CNMD: variants seen among roughly 807,000 people sequenced by gnomAD.
CNMD encodes chondromodulin, also known as leukocyte cell-derived chemotaxin 1.
CNMD carries 30 observed loss-of-function variants against 37.5 expected under a neutral mutation model. That is an observed-to-expected ratio of 0.80 (90% CI 0.60 to 1.09). The LOEUF is 1.09. Among genes scored for constraint, CNMD ranks in the 50% least tolerant of loss-of-function variants. CNMD has a pLI of 0.00. For synonymous variants in CNMD, 167 were observed against 148.2 expected, an observed-to-expected ratio of 1.13 and a Z score of -0.92; for missense variants, 398 against 423.9, an observed-to-expected ratio of 0.94 and a Z score of 0.54.
chr13:52,726,282 C>T (rs999872335), intron 3 of CNMD, among the ~76,000 whole-genome samples: 5 of 152,156 alleles, frequency 3.3e-5, no homozygotes, highest in Non-Finnish European at 7.3e-5. Flanking sequence ...GGGTTGATGC[C>T]AGGGTTGAAG....
chr13:52,729,877 G>A (rs1268392737), intron 3 of CNMD, among the ~76,000 whole-genome samples: 3 of 151,756 alleles, frequency 2.0e-5, no homozygotes, highest in Non-Finnish European at 2.9e-5. Context: ...TGTGCACAAT[G>A]TGCAGGTTTG....
Position 52,739,048 on chromosome 13 carries a change from T to A in CNMD, c.196A>T (p.Lys66Ter), listed in dbSNP as rs754544651. 281 of 1,579,376 alleles carry A rather than the reference T, an allele frequency of 1.8e-4. No individual in the cohort carries two copies. The highest frequency in any genetic ancestry group is 2.3e-4 in the Non-Finnish European group (263 of 1,166,206). ...GGACTTACGTGACTGTCGCTCCCCT[T>A]CCAGAAGTAGAAGGCCCCGATGGCC... ...FGAIGAFYFW[K>*]GSDSHIYNVH... The change falls in exon 2 of 7, where the codon AAG (lysine) becomes TAG (stop). Residue 66 changes from lysine (K) to a stop codon, truncating the protein, a stop_gained. Coordinates refer to ENST00000377962, the MANE Select transcript of CNMD (RefSeq NM_007015.3). LOFTEE classifies it high-confidence loss of function. The surrounding 1 kb of genome is among the most constrained non-coding windows in gnomAD (Gnocchi z 5.4).
intron 3 of CNMD, among the ~76,000 whole-genome samples, chr13:52,731,443 A>G (rs956911372): frequency 6.6e-5 from 10 of 152,190 alleles, no homozygotes; most frequent in African/African-American, 2.4e-4. Flanking sequence ...TGTGTTTTCA[A>G]AAGTTCAGGC....
rs1192550534 is a variant in CNMD, at chr13:52,706,724, AGTGTGTGTGTGTGTAT to A, written c.789+1796_789+1811del. 2.4e-4 allele frequency among the ~76,000 whole-genome samples: 4 copies of A among 16,922 alleles called. No individual in the cohort carries two copies. The East Asian group carries it at 0.037, about 157-fold the overall frequency. 11.1% of individuals were successfully genotyped at this position (16,922 alleles called of 152,430 possible). ...CAAGGTATAAAAGTTTTGTGTTAAA[AGTGTGTGTGTGTGTAT>A]GTGTGTGTGTCTGTGGGTGTGTACT... On this transcript the variant is annotated intron_variant, in intron 6 of 6. Coordinates refer to ENST00000377962, the MANE Select transcript of CNMD (RefSeq NM_007015.3).
chr13:52,710,432 G>C (rs192137915), intron 5 of CNMD, among the ~76,000 whole-genome samples: 7 of 152,316 alleles, frequency 4.6e-5, no homozygotes, highest in Admixed American at 1.3e-4. Context: ...CTGACACACA[G>C]AGCTCAGCAG....
intron 3 of CNMD, among the ~76,000 whole-genome samples, chr13:52,725,535 G>T (rs1362991391): frequency 4.6e-5 from 7 of 152,138 alleles, no homozygotes; most frequent in African/African-American, 1.7e-4. Flanking sequence ...TTGGCTGAAA[G>T]CACAGCCCCG....
chr13:52,735,860 T>C (rs928888344), intron 2 of CNMD, among the ~76,000 whole-genome samples: 20 of 148,620 alleles, frequency 1.3e-4, no homozygotes, highest in African/African-American at 4.7e-4. Context: ...GATGGAGTCT[T>C]GCTCTGTCAC....
Position 52,733,331 on chromosome 13 carries a change from A to G in CNMD, c.242T>C (p.Ile81Thr). 2 of 1,613,654 alleles carry G rather than the reference A, an allele frequency of 1.2e-6. No homozygotes were observed. The highest frequency in any genetic ancestry group is 2.2e-5 in the East Asian group (1 of 44,870). ...TGACCCATCTTGTAATTTCCCATTGATACTCATGGTGTAATGGACATTGTA... is the reference window on the plus strand; with the variant it reads ...TGACCCATCTTGTAATTTCCCATTGGTACTCATGGTGTAATGGACATTGTA... ...HIYNVHYTMS[I>T]NGKLQDGSME... Residue 81 changes from isoleucine (I) to threonine (T), a missense_variant, in exon 3 of 7, where the codon ATC becomes ACC. Coordinates refer to ENST00000377962, the MANE Select transcript of CNMD (RefSeq NM_007015.3).
At chr13:52,716,619 G>T (rs1056975598) in intron 4 of CNMD, among the ~76,000 whole-genome samples, 1 of 152,146 alleles carries the variant, frequency 6.6e-6, no homozygotes, top group Non-Finnish European at 1.5e-5. Flanking sequence ...TTTCCCCATC[G>T]CTTGTTTTTG....
intron 4 of CNMD, among the ~76,000 whole-genome samples, chr13:52,719,473 C>G (rs1296179785): frequency 1.3e-5 from 2 of 152,182 alleles, no homozygotes; most frequent in Non-Finnish European, 2.9e-5. Context: ...ACCGGTTTTT[C>G]TTTTCCATAT....
At chr13:52,719,307 C>A (rs555109110) in intron 4 of CNMD, among the ~76,000 whole-genome samples, 2 of 151,778 alleles carry the variant, frequency 1.3e-5, no homozygotes, top group Admixed American at 1.3e-4. Flanking sequence ...CTTTTAATTG[C>A]GGGATTTAGC....
rs1347233754 is a variant in CNMD, at chr13:52,739,657, A to C, written c.45T>G (p.Pro15=). 17 of 1,614,000 alleles carry C rather than the reference A, an allele frequency of 1.1e-5. No homozygotes were observed. The highest frequency in any genetic ancestry group is 1.3e-5 in the Non-Finnish European group (15 of 1,179,994). Residue 15 remains proline (P), a synonymous_variant, in exon 1 of 7, where the codon CCT becomes CCG. Coordinates refer to ENST00000377962, the MANE Select transcript of CNMD (RefSeq NM_007015.3). This position sits in a 1 kb window ranked among gnomAD's most constrained non-coding sequence, Gnocchi z 5.4. ...SDKVPIALVG[P]DDVEFCSPPA... is the part of the protein sequence containing the mutation. ...GGGGGCTGCAGAATTCCACGTCATC[A>C]GGTCCCACCAGGGCAATGGGAACTT...
intron 2 of CNMD, among the ~76,000 whole-genome samples, chr13:52,735,971 A>AG (rs1221405081): frequency 6.6e-6 from 1 of 150,426 alleles, no homozygotes; most frequent in East Asian, 2.0e-4. Context: ...CTGGGACTAC[A>AG]GGCATGCGCC....
At position 52,724,114 on chromosome 13, in the gene CNMD, T is replaced by C. The variant is rs1964531144; in HGVS notation, c.355-4A>G. Reference sequence around the variant, plus strand: ...CAAAACGAATTCCTGTGATGCCCTATGAAACAAAAGTGTATCCATCTATCT... The same window carrying C: ...CAAAACGAATTCCTGTGATGCCCTACGAAACAAAAGTGTATCCATCTATCT... On this transcript the variant is annotated splice_region_variant and splice_polypyrimidine_tract_variant and intron_variant, in intron 3 of 6. Transcript: ENST00000377962. 1.6e-5 allele frequency: 25 copies of C among 1,600,658 alleles called. No homozygotes were observed. The highest frequency in any genetic ancestry group is 2.1e-5 in the Non-Finnish European group (24 of 1,167,946).
intron 2 of CNMD, among the ~76,000 whole-genome samples, chr13:52,736,518 G>C (rs141262876): frequency 6.6e-6 from 1 of 152,198 alleles, no homozygotes; most frequent in South Asian, 2.1e-4. Context: ...GAGGATGTGG[G>C]GGGAGGAGGC....
chr13:52,725,168 C>G (rs1004863327), intron 3 of CNMD, among the ~76,000 whole-genome samples: 1 of 152,212 alleles, frequency 6.6e-6, no homozygotes, highest in African/African-American at 2.4e-5. Flanking sequence ...TCCCATAAGT[C>G]CTCCTGTCTT....
chr13:52,706,806 G>C (rs1313410338), intron 6 of CNMD, among the ~76,000 whole-genome samples: 1 of 152,010 alleles, frequency 6.6e-6, no homozygotes, highest in Admixed American at 6.6e-5. Flanking sequence ...TTAATAGTTT[G>C]CTTTGGGGAG....
In CNMD at chr13:52,703,798, C is replaced by A. The variant is rs779700059; in HGVS notation, c.802G>T (p.Glu268Ter). 2.9e-5 allele frequency: 46 copies of A among 1,608,460 alleles called. No individual in the cohort carries two copies. Among genetic ancestry groups the A allele is most frequent in the Non-Finnish European group, 3.4e-5 (40 of 1,175,226 alleles). Residue 268 changes from glutamate to a stop codon, truncating the protein, a stop_gained, in exon 7 of 7, where the codon GAA (glutamate) becomes TAA (stop). Coordinates refer to ENST00000377962, the MANE Select transcript of CNMD (RefSeq NM_007015.3). LOFTEE classifies it high-confidence loss of function. ...PDNPYHQQEG[E>*]SMTFDPRLDH... ...AGTCTAGGGTCGAATGTCATGCTTT[C>A]CCCTTCCTGCTGCTGTGAAATAAAA... is the stretch of plus-strand genomic sequence containing the variant.
intron 3 of CNMD, among the ~76,000 whole-genome samples, chr13:52,728,754 A>G (rs1209684665): frequency 6.6e-6 from 1 of 152,190 alleles, no homozygotes; most frequent in Non-Finnish European, 1.5e-5. Flanking sequence ...AGCTGATTCT[A>G]CTGAATGATT....
Sources: allele counts gnomAD v4.1 joint callset (sites outside exome capture counted in the v4.1 genomes callset), GRCh38; gene constraint gnomAD v4.1.1; non-coding constraint Gnocchi (gnomAD v3.1); transcripts MANE v1.5; gene names NCBI Gene and HGNC (gene_info 2026-07-23, HGNC 2026-07-21).